Variants in DOCK4 observed in about 807,000 individuals in gnomAD.
DOCK4 encodes dedicator of cytokinesis protein 4.
In DOCK4, 97 loss-of-function variants were observed where a neutral mutation model predicts 268.1. The ratio of observed to expected loss-of-function variants is 0.36; its 90% CI spans 0.31 to 0.43. The LOEUF (loss-of-function observed/expected upper bound fraction) is 0.43. Ranked by LOEUF, DOCK4 falls within the 20% of genes least tolerant of loss-of-function variation. DOCK4 has a pLI of 1.00. For synonymous variants in DOCK4, 954 were observed against 887.2 expected, an observed-to-expected ratio of 1.08 and a Z score of -1.34; for missense variants, 2,145 against 2,455.7, an observed-to-expected ratio of 0.87 and a Z score of 2.67.
intron 42 of DOCK4, among the ~76,000 whole-genome samples, chr7:111,749,070 T>C (rs12673769): frequency 0.24 from 35,952 of 152,064 alleles, 5,520 homozygotes; most frequent in East Asian, 0.58. Context: ...ATGGATACCA[T>C]AGAAGTCAGG....
At chr7:112,007,940 T>A (rs528349921) in intron 1 of DOCK4, among the ~76,000 whole-genome samples, 1 of 152,244 alleles carries the variant, frequency 6.6e-6, no homozygotes, top group South Asian at 2.1e-4. Context: ...AAAGTAGCTA[T>A]CTCTTTATAC....
At chr7:112,195,977 T>A (rs1203322656) in intron 1 of DOCK4, among the ~76,000 whole-genome samples, 1 of 152,120 alleles carries the variant, frequency 6.6e-6, no homozygotes, top group Non-Finnish European at 1.5e-5. Flanking sequence ...TCCAAAAGCC[T>A]CCCATGTAAA....
At chr7:111,942,088 C>T (rs1002874880) in intron 10 of DOCK4, among the ~76,000 whole-genome samples, 5 of 152,208 alleles carry the variant, frequency 3.3e-5, no homozygotes, top group Middle Eastern at 3.4e-3. Flanking sequence ...TTGGGAAACC[C>T]GATCAGATTT....
chr7:111,956,361 G>A (rs1211418351), intron 8 of DOCK4, among the ~76,000 whole-genome samples: 1 of 152,114 alleles, frequency 6.6e-6, no homozygotes, highest in African/African-American at 2.4e-5. Flanking sequence ...TGTCATTCAA[G>A]CCCTGCAAAA....
chr7:111,959,927 G>A (rs765369385), intron 8 of DOCK4, among the ~76,000 whole-genome samples: 27 of 152,150 alleles, frequency 1.8e-4, no homozygotes, highest in South Asian at 2.1e-4. Flanking sequence ...GGATGCACTA[G>A]CAATTTCAGA....
At chr7:111,992,197 T>G (rs934772985) in intron 5 of DOCK4, among the ~76,000 whole-genome samples, 2 of 152,178 alleles carry the variant, frequency 1.3e-5, no homozygotes, top group African/African-American at 4.8e-5. Context: ...ATTCACCATG[T>G]GCTTTTATGC....
intron 1 of DOCK4, among the ~76,000 whole-genome samples, chr7:112,039,598 C>G (rs1394741201): frequency 1.3e-5 from 2 of 151,972 alleles, no homozygotes; most frequent in Admixed American, 6.6e-5. Flanking sequence ...CCACTTGCCC[C>G]CCGAGCCAGC....
chr7:111,994,264 A>G (rs767514467), intron 4 of DOCK4, 33 bp from the exon 5 acceptor site: 58 of 1,387,910 alleles, frequency 4.2e-5, no homozygotes, highest in Middle Eastern at 1.9e-4. Flanking sequence ...GTATATATGT[A>G]AATACCATAG....
At chr7:111,769,353 C>T (rs535071301) in intron 37 of DOCK4, among the ~76,000 whole-genome samples, 176 bp downstream of exon 37, 1 of 152,214 alleles carries the variant, frequency 6.6e-6, no homozygotes, top group Admixed American at 6.5e-5. Flanking sequence ...ATCAGAATGG[C>T]TAGGAGTGGC....
intron 1 of DOCK4, among the ~76,000 whole-genome samples, chr7:112,036,452 G>C (rs1289294146): frequency 6.6e-6 from 1 of 152,044 alleles, no homozygotes; most frequent in Admixed American, 6.6e-5. Context: ...AAGGGAGGTG[G>C]GAGAAAGCAC....
intron 1 of DOCK4, among the ~76,000 whole-genome samples, chr7:112,134,113 A>G (rs1270625764): frequency 1.3e-5 from 2 of 152,214 alleles, no homozygotes; most frequent in African/African-American, 4.8e-5. Flanking sequence ...ACTTCACTGC[A>G]TTACAATGCT....
At chr7:112,017,937 A>G (rs1241492723) in intron 1 of DOCK4, among the ~76,000 whole-genome samples, 1 of 151,940 alleles carries the variant, frequency 6.6e-6, no homozygotes, top group Non-Finnish European at 1.5e-5. Flanking sequence ...CCTGGCATTC[A>G]TGGTTCTTCC....
At chr7:111,816,992 T>C (rs558706254) in intron 27 of DOCK4, among the ~76,000 whole-genome samples, 1 of 152,046 alleles carries the variant, frequency 6.6e-6, no homozygotes, top group South Asian at 2.1e-4. Flanking sequence ...TTACACAGAG[T>C]GACTCTGAAA....
chr7:111,945,870 C>A, intron 8 of DOCK4, 72 bp from the exon 9 acceptor site: 1 of 1,143,850 alleles, frequency 8.7e-7, no homozygotes, highest in Non-Finnish European at 1.3e-6. Context: ...TGTAACTACT[C>A]TTCATCACAA....
chr7:112,177,729 AT>A (rs139868878), intron 1 of DOCK4, among the ~76,000 whole-genome samples: 61 of 151,628 alleles, frequency 4.0e-4, no homozygotes, highest in East Asian at 1.5e-3. Flanking sequence ...GAGACTACTG[AT>A]TTTTTTTTAA....
chr7:112,046,878 G>A (rs1357903803), intron 1 of DOCK4, among the ~76,000 whole-genome samples: 1 of 152,154 alleles, frequency 6.6e-6, no homozygotes, highest in African/African-American at 2.4e-5. Flanking sequence ...AAAAGAGTTG[G>A]GAGTCTGAGG....
chr7:112,189,073 A>G (rs1819701375), intron 1 of DOCK4, among the ~76,000 whole-genome samples: 1 of 152,368 alleles, frequency 6.6e-6, no homozygotes, highest in East Asian at 1.9e-4. Context: ...GAATAAGCCT[A>G]TTCTAATGAA....
At chr7:111,763,446 A>C (rs1797577648) in intron 39 of DOCK4, among the ~76,000 whole-genome samples, 1 of 152,220 alleles carries the variant, frequency 6.6e-6, no homozygotes, top group African/African-American at 2.4e-5. Context: ...TTTTTAAAAG[A>C]AGAATGATAT....
chr7:112,179,774 A>C (rs994173589), intron 1 of DOCK4, among the ~76,000 whole-genome samples: 2 of 152,228 alleles, frequency 1.3e-5, no homozygotes, highest in African/African-American at 4.8e-5. Context: ...TTAGGAGATT[A>C]GTATAGATTT....
Sources: allele counts gnomAD v4.1 joint callset (sites outside exome capture counted in the v4.1 genomes callset), GRCh38; gene constraint gnomAD v4.1.1; transcripts MANE v1.5; gene names NCBI Gene and HGNC (gene_info 2026-07-23, HGNC 2026-07-21).